The following NPNT variants were observed in gnomAD, a reference collection of about 807,000 sequenced individuals.
NPNT encodes nephronectin.
In NPNT, 45 loss-of-function variants were observed where a neutral mutation model predicts 68.6. The observed-to-expected ratio is 0.66, with a 90% CI of 0.52 to 0.84. The LOEUF (loss-of-function observed/expected upper bound fraction) is 0.84, where lower values mean the gene tolerates loss of function less well. NPNT is among the 40% of genes least tolerant of loss of function. The pLI is 0.00. For missense variants in NPNT, 672 were observed against 714.8 expected, an observed-to-expected ratio of 0.94 and a Z score of 0.68; for synonymous variants, 233 against 253.3, an observed-to-expected ratio of 0.92 and a Z score of 0.76.
rs536817468 is a variant in NPNT at position 105,895,560 on chromosome 4, G to A, written c.-93G>A. ...GGGCGGCGAGGGCTGGGGGTTCCTC[G>A]AGACTCTCAGAGGGGCGCCTCCCAT... On this transcript the variant is annotated 5_prime_UTR_variant, in exon 1 of 12. Transcript: ENST00000379987. The A allele has an allele frequency of 3.8e-6, 4 of 1,050,196 alleles. No individual in the cohort carries two copies. Among genetic ancestry groups the A allele is most frequent in the African/African-American group, 1.6e-5 (1 of 61,210 alleles). 65.1% of individuals were successfully genotyped at this position (1,050,196 alleles called of 1,614,324 possible).
At chr4:105,917,205 C>T (rs1024636481) in intron 2 of NPNT, among the ~76,000 whole-genome samples, 14 of 152,192 alleles carry the variant, frequency 9.2e-5, no homozygotes, top group African/African-American at 3.4e-4. Context: ...GTTGTAGGCC[C>T]AGTCGCAGTG....
intron 10 of NPNT, among the ~76,000 whole-genome samples, chr4:105,961,437 C>T (rs28420290): frequency 0.12 from 17,602 of 152,162 alleles, 1,366 homozygotes; most frequent in African/African-American, 0.22. Flanking sequence ...GTAAGTTACA[C>T]TGGGGAGAGT....
chr4:105,943,489 T>G (rs1211917316), intron 8 of NPNT, among the ~76,000 whole-genome samples: 1 of 152,142 alleles, frequency 6.6e-6, no homozygotes, highest in Non-Finnish European at 1.5e-5. Flanking sequence ...TGGGGCTGGA[T>G]TAGATCAAAG....
chr4:105,906,488 A>G (rs1726907934), intron 2 of NPNT, among the ~76,000 whole-genome samples: 1 of 145,430 alleles, frequency 6.9e-6, no homozygotes, highest in Admixed American at 6.6e-5. Flanking sequence ...CATTATGTGC[A>G]TAGCTTTCTG....
chr4:105,927,113 A>T (rs184477072), intron 2 of NPNT: 3 of 301,266 alleles, frequency 1.0e-5, no homozygotes, highest in East Asian at 1.1e-4. Context: ...TGAATTTAAA[A>T]TTTTTTTCAG....
At position 105,940,290 on chromosome 4, in the gene NPNT, G is replaced by A. The variant is rs570881957; in HGVS notation, c.640+81G>A. ...TCGTAATTGTGGTGATGGCTGGAAT[G>A]TCAGGGGCAGGGGAGAGTACTGGCG... On this transcript the variant is annotated intron_variant, in intron 6 of 11. Transcript: ENST00000379987. 1.6e-5 allele frequency: 22 copies of A among 1,416,768 alleles called. No individual in the cohort carries two copies. In the African/African-American group the frequency reaches 2.2e-4, roughly 14 times the overall value. 87.8% of individuals were successfully genotyped at this position (1,416,768 alleles called of 1,614,324 possible). A position where few individuals can be genotyped will look rare whatever the true frequency, so the allele number is the denominator to read the frequency against.
chr4:105,906,586 T>C (rs569707222), intron 2 of NPNT, among the ~76,000 whole-genome samples: 28 of 152,340 alleles, frequency 1.8e-4, no homozygotes, highest in Non-Finnish European at 2.8e-4. Context: ...TTAGACAAGA[T>C]AGTTTCAGGT....
chr4:105,940,640 AG>A lies in NPNT; in HGVS notation c.763+5del, dbSNP rs1729872700. The A allele has an allele frequency of 6.2e-7, 1 of 1,612,142 alleles. No individual in the cohort carries two copies. The highest frequency in any genetic ancestry group is 1.1e-5 in the South Asian group (1 of 90,844). The stretch of plus-strand genomic sequence containing the variant: ...GGTGATGGACTGACTTGTGTGTGTG[AG>A]TAGCACTTGTCTCTCAGCTTTAAAT... On this transcript the variant is annotated splice_donor_5th_base_variant and intron_variant, in intron 7 of 11. Coordinates refer to ENST00000379987, the MANE Select transcript of NPNT (RefSeq NM_001033047.3).
intron 2 of NPNT, among the ~76,000 whole-genome samples, chr4:105,923,450 G>T (rs1419826226): frequency 6.6e-6 from 1 of 152,084 alleles, no homozygotes; most frequent in Non-Finnish European, 1.5e-5. Flanking sequence ...TTGCTGTCTT[G>T]ATAATAAACA....
At chr4:105,949,024 G>A (rs954701314) in intron 8 of NPNT, among the ~76,000 whole-genome samples, 1 of 152,120 alleles carries the variant, frequency 6.6e-6, no homozygotes, top group Non-Finnish European at 1.5e-5. Context: ...ATCTGATGTA[G>A]CGTAAAATTC....
chr4:105,950,732 A>G (rs1302934439), intron 8 of NPNT, among the ~76,000 whole-genome samples: 1 of 152,120 alleles, frequency 6.6e-6, no homozygotes. Flanking sequence ...TAGGGTTCCA[A>G]TGCCTGACAA....
At chr4:105,901,702 G>A (rs977740180) in intron 2 of NPNT, among the ~76,000 whole-genome samples, 1 of 152,196 alleles carries the variant, frequency 6.6e-6, no homozygotes, top group African/African-American at 2.4e-5. Context: ...ATTTTGGAAA[G>A]ATGTGAAACC....
chr4:105,921,739 G>C, intron 2 of NPNT, among the ~76,000 whole-genome samples: 1 of 152,090 alleles, frequency 6.6e-6, no homozygotes, highest in South Asian at 2.1e-4. Flanking sequence ...TTCCACCCAG[G>C]TCCTATTAAT....
At chr4:105,962,791 A>G (rs924075114) in intron 10 of NPNT, among the ~76,000 whole-genome samples, 1 of 152,146 alleles carries the variant, frequency 6.6e-6, no homozygotes, top group African/African-American at 2.4e-5. Flanking sequence ...ATGGGAAAAT[A>G]CTAATAAAGC....
chr4:105,897,556 A>G (rs1009316399), intron 1 of NPNT, among the ~76,000 whole-genome samples: 1 of 152,082 alleles, frequency 6.6e-6, no homozygotes, highest in African/African-American at 2.4e-5. Flanking sequence ...GTCTTTGAGG[A>G]ATCTGTTTTA....
chr4:105,906,552 G>C (rs1202501299), intron 2 of NPNT, among the ~76,000 whole-genome samples: 2 of 152,224 alleles, frequency 1.3e-5, no homozygotes, highest in Non-Finnish European at 2.9e-5. Context: ...GAACTGTATA[G>C]GGTTTTGGAT....
Position 105,970,696 on chromosome 4 carries a change from A to G in NPNT, c.*1706A>G. 1 of 487,466 alleles carries G rather than the reference A, an allele frequency of 2.1e-6. No homozygotes were observed. Among genetic ancestry groups the G allele is most frequent in the Non-Finnish European group, 3.8e-6 (1 of 264,378 alleles). 30.2% of individuals were successfully genotyped at this position (487,466 alleles called of 1,614,324 possible). The stretch of plus-strand genomic sequence containing the variant: ...TCTCTCTTTCTAAAAAATTAGATAA[A>G]AATTTGTCTATTTAAGATGGTTAAA... On this transcript the variant is annotated 3_prime_UTR_variant, in exon 12 of 12. Coordinates refer to ENST00000379987, the MANE Select transcript of NPNT (RefSeq NM_001033047.3).
chr4:105,908,085 A>G (rs1399272919), intron 2 of NPNT, among the ~76,000 whole-genome samples: 3 of 152,186 alleles, frequency 2.0e-5, no homozygotes, highest in African/African-American at 7.2e-5. Context: ...GGAAACAGAT[A>G]TGAATAATAA....
chr4:105,941,372 A>G (rs1241956521), intron 7 of NPNT, among the ~76,000 whole-genome samples: 1 of 152,040 alleles, frequency 6.6e-6, no homozygotes, highest in Non-Finnish European at 1.5e-5. Flanking sequence ...AGCCATTCCC[A>G]TATTTATTTC....
Sources: gnomAD v4.1 joint callset for allele counts (sites outside exome capture counted in the v4.1 genomes callset) on GRCh38, gnomAD v4.1.1 for gene constraint, MANE v1.5 for transcripts, NCBI Gene and HGNC (gene_info 2026-07-23, HGNC 2026-07-21) for gene names.